DST: variants seen among roughly 807,000 people sequenced by gnomAD.
The protein encoded by DST is bullous pemphigoid antigen.
Under a neutral mutation model 875.2 loss-of-function variants are expected in DST, and 253 were observed. The observed-to-expected ratio is 0.29, with a 90% CI of 0.26 to 0.32. DST has a LOEUF of 0.32. DST is among the 10% of genes least tolerant of loss of function. The pLI is 1.00. For missense variants in DST, 8,287 were observed against 9,111.6 expected (o/e 0.91, Z 3.68); for synonymous variants, 3,124 against 3,197.1 (o/e 0.98, Z 0.77).
intron 3 of DST, among the ~76,000 whole-genome samples, chr6:56,860,029 G>A (rs1770179614): frequency 6.6e-6 from 1 of 152,112 alleles, no homozygotes; most frequent in South Asian, 2.1e-4. Context: ...CACTGTGGCT[G>A]GCCTACTCAT....
rs1354491278 is a variant in DST at position 56,614,498 on chromosome 6, G to A, written c.4930-14C>T. The A allele has an allele frequency of 1.3e-6, 2 of 1,587,456 alleles. No individual in the cohort carries two copies. Among genetic ancestry groups the A allele is most frequent in the African/African-American group, 2.7e-5 (2 of 73,794 alleles). ...TTCCAGTGACTTCTGACAGTTGTGAGCGGTAAGAAAAATATACACTGCATT... is the reference window on the plus strand; with the variant it reads ...TTCCAGTGACTTCTGACAGTTGTGAACGGTAAGAAAAATATACACTGCATT... On this transcript the variant is annotated splice_polypyrimidine_tract_variant and intron_variant, in intron 36 of 103. Coordinates refer to ENST00000680361, the MANE Select transcript of DST (RefSeq NM_001374736.1).
chr6:56,472,227 G>A lies in DST; in HGVS notation c.21995-5C>T. Reference sequence around the variant, plus strand: ...TTGATGCTGGAAAGCGTTTTCCTGTGAAGGTATAACTTCGGTTAGGATGGC... The same window carrying A: ...TTGATGCTGGAAAGCGTTTTCCTGTAAAGGTATAACTTCGGTTAGGATGGC... On this transcript the variant is annotated splice_polypyrimidine_tract_variant and splice_region_variant and intron_variant, in intron 93 of 103. Coordinates refer to ENST00000680361, the MANE Select transcript of DST (RefSeq NM_001374736.1). 1.2e-6 allele frequency: 2 copies of A among 1,613,078 alleles called. No individual in the cohort carries two copies. Among genetic ancestry groups the A allele is most frequent in the Non-Finnish European group, 1.7e-6 (2 of 1,179,416 alleles).
At chr6:56,825,307 C>G (rs999513270) in intron 4 of DST, among the ~76,000 whole-genome samples, 2 of 147,532 alleles carry the variant, frequency 1.4e-5, no homozygotes, top group African/African-American at 2.5e-5. Flanking sequence ...GCAGCATGCT[C>G]GTTAAGAGTC....
intron 2 of DST, among the ~76,000 whole-genome samples, chr6:56,909,657 T>G (rs1469755844): frequency 2.6e-5 from 4 of 152,220 alleles, no homozygotes; most frequent in African/African-American, 9.6e-5. Context: ...GAAGGCTCAT[T>G]AAAATACAGA....
intron 10 of DST, among the ~76,000 whole-genome samples, chr6:56,656,013 GA>G (rs1208498315): frequency 2.0e-5 from 3 of 152,118 alleles, no homozygotes; most frequent in Non-Finnish European, 4.4e-5. Context: ...AAATAATAAA[GA>G]AAAACATGAG....
rs188944269 is a variant in DST at position 56,473,320 on chromosome 6, C to T, written c.21994+553G>A. Among the ~76,000 whole-genome samples the T allele has an allele frequency of 2.6e-5, 4 of 152,248 alleles. No homozygotes were observed. The East Asian group carries it at 7.7e-4, about 29-fold the overall frequency. ...CGCAAAATGCATTTCTATTCAGAAA[C>T]GCATAAAACATATAACACAAATTGT... On this transcript the variant is annotated intron_variant, in intron 93 of 103. Coordinates refer to ENST00000680361, the MANE Select transcript of DST (RefSeq NM_001374736.1).
chr6:56,470,410 T>C, intron 95 of DST, 128 bp from the exon 96 acceptor site: 2 of 669,202 alleles, frequency 3.0e-6, no homozygotes, highest in Non-Finnish European at 4.5e-6. Context: ...AATCCTTTTT[T>C]AAAAAACTGA....
chr6:56,750,727 C>T (rs2099584543), intron 4 of DST, among the ~76,000 whole-genome samples: 1 of 152,116 alleles, frequency 6.6e-6, no homozygotes, highest in African/African-American at 2.4e-5. Context: ...CCAATAGCAA[C>T]AGACACATAC....
intron 9 of DST, among the ~76,000 whole-genome samples, chr6:56,684,937 T>C (rs2099173760): frequency 6.6e-6 from 1 of 152,230 alleles, no homozygotes; most frequent in Admixed American, 6.5e-5. Flanking sequence ...TCAGGGTCCA[T>C]AAAAATTTTC....
At position 56,916,604 on chromosome 6, in the gene DST, T is replaced by A. The variant is rs187144151; in HGVS notation, c.217-15983A>T. On this transcript the variant is annotated intron_variant, in intron 2 of 103. Coordinates refer to ENST00000680361, the MANE Select transcript of DST (RefSeq NM_001374736.1). Reference sequence around the variant, plus strand: ...CTGTCTCTACCAAAAATACAAAAAATTAGCTGGGTATGGTGGCGCACACCT... The same window carrying A: ...CTGTCTCTACCAAAAATACAAAAAAATAGCTGGGTATGGTGGCGCACACCT... Among the ~76,000 whole-genome samples, 124 of 151,674 alleles carry A rather than the reference T, an allele frequency of 8.2e-4. 1 individual carries two copies. The highest frequency in any genetic ancestry group is 2.7e-3 in the African/African-American group (113 of 41,304).
intron 4 of DST, among the ~76,000 whole-genome samples, chr6:56,758,775 C>CTACT (rs1332535187): frequency 3.6e-5 from 5 of 139,800 alleles, no homozygotes; most frequent in South Asian, 2.1e-4. Context: ...GGTAGTCAAA[C>CTACT]TACTTTGTGG....
intron 2 of DST, among the ~76,000 whole-genome samples, chr6:56,916,250 G>T (rs1800871031): frequency 6.6e-6 from 1 of 152,162 alleles, no homozygotes; most frequent in Non-Finnish European, 1.5e-5. Flanking sequence ...AGCAGGACCT[G>T]GACAGCCATA....
intron 49 of DST, among the ~76,000 whole-genome samples, chr6:56,586,774 C>T (rs1234379587): frequency 6.6e-6 from 1 of 152,134 alleles, no homozygotes; most frequent in Non-Finnish European, 1.5e-5. Context: ...CTTCTGCAGA[C>T]ACCGCTGCTG....
Position 56,509,961 on chromosome 6 carries a change from T to A in DST, c.18781-88A>T, listed in dbSNP as rs190559753. ...AAATGAAAAAACATTTTTTACAATT[T>A]AATGTCAGAATTAAGAATAAATCTT... On this transcript the variant is annotated intron_variant, in intron 73 of 103. Coordinates refer to ENST00000680361, the MANE Select transcript of DST (RefSeq NM_001374736.1). The A allele has an allele frequency of 1.8e-5, 18 of 1,003,608 alleles. No homozygotes were observed. The East Asian group carries it at 3.4e-4, about 19-fold the overall frequency. The allele number at this position is 1,003,608 out of a possible 1,614,324, so 62.2% of individuals were successfully genotyped here. A position where few individuals can be genotyped will look rare whatever the true frequency, so the allele number is the denominator to read the frequency against.
chr6:56,551,647 T>C (rs975258047), intron 61 of DST, among the ~76,000 whole-genome samples: 3 of 152,160 alleles, frequency 2.0e-5, no homozygotes, highest in African/African-American at 4.8e-5. Context: ...CCTCTAATCC[T>C]CTGGGGCATG....
chr6:56,706,776 G>A (rs184493204), intron 5 of DST, among the ~76,000 whole-genome samples: 1 of 152,160 alleles, frequency 6.6e-6, no homozygotes, highest in Admixed American at 6.5e-5. Context: ...CAAGGTGGGC[G>A]GATCACTTGA....
chr6:56,872,832 CT>C (rs1554220821), intron 3 of DST, among the ~76,000 whole-genome samples: 211 of 127,874 alleles, frequency 1.7e-3, no homozygotes, highest in South Asian at 2.7e-3. Context: ...TCCCCCCCCC[CT>C]TTTTTTTTTT....
rs772061660 is a variant in DST at position 56,552,556 on chromosome 6, C to T, written c.16236G>A (p.Gly5412=). The change falls in exon 61 of 104, where the codon GGG becomes GGA. Residue 5412 remains glycine (G), a synonymous_variant. Transcript: ENST00000680361. The stretch of plus-strand genomic sequence containing the variant: ...GCTTTTGCAATGTTTCTGCATCTCT[C>T]CCCACTGGAGCCATGCTATCCAGTT... ...DDELDSMAPV[G]RDAETLQKQK... The T allele has an allele frequency of 1.2e-6, 2 of 1,613,884 alleles. No individual in the cohort carries two copies. The highest frequency in any genetic ancestry group is 1.7e-5 in the Admixed American group (1 of 60,002).
chr6:56,954,175 T>C (rs975094049), intron 1 of DST, among the ~76,000 whole-genome samples: 1 of 152,190 alleles, frequency 6.6e-6, no homozygotes, highest in African/African-American at 2.4e-5. Flanking sequence ...ATTTGAGTTC[T>C]TTCCTCCCCT....
Sources: gnomAD v4.1 joint callset for allele counts (sites outside exome capture counted in the v4.1 genomes callset) on GRCh38, gnomAD v4.1.1 for gene constraint, MANE v1.5 for transcripts, NCBI Gene and HGNC (gene_info 2026-07-23, HGNC 2026-07-21) for gene names.